Variants in CEP68 observed in about 807,000 individuals in gnomAD.
CEP68 encodes centrosomal protein of 68 kDa.
A neutral mutation model predicts 55.3 loss-of-function variants in CEP68; 26 were observed. That is an observed-to-expected ratio of 0.47 (90% CI 0.34 to 0.65). The LOEUF (loss-of-function observed/expected upper bound fraction) is 0.65, where lower values mean the gene tolerates loss of function less well. Ranked by LOEUF, CEP68 falls within the 30% of genes least tolerant of loss-of-function variation. CEP68 has a pLI of 0.01. For missense variants in CEP68, 957 were observed against 946.7 expected (o/e 1.01, Z -0.14); for synonymous variants, 402 against 383.2 (o/e 1.05, Z -0.57).
rs370088416 is a variant in CEP68 at position 65,072,979 on chromosome 2, A to C, written c.1883A>C (p.Lys628Thr). 2.0e-5 allele frequency: 33 copies of C among 1,614,100 alleles called. No homozygotes were observed. The highest frequency in any genetic ancestry group is 2.6e-5 in the Non-Finnish European group (31 of 1,180,030). ...AAAGAATCACTGGTGCAATGTGTGAAGGTAATGACACTCAACGTTAGGAAG... is the reference window on the plus strand; with the variant it reads ...AAAGAATCACTGGTGCAATGTGTGACGGTAATGACACTCAACGTTAGGAAG... ...QGKESLVQCV[K>T]TFCCQLEELI... Residue 628 changes from lysine to threonine, a missense_variant and splice_region_variant, in exon 3 of 7, where the codon AAG becomes ACG. Transcript: ENST00000377990.
chr2:65,072,867 C>T lies in CEP68; in HGVS notation c.1771C>T (p.Pro591Ser). 6.2e-7 allele frequency: 1 copy of T among 1,614,184 alleles called. No homozygotes were observed. The highest frequency in any genetic ancestry group is 8.5e-7 in the Non-Finnish European group (1 of 1,180,032). Residue 591 changes from proline (P) to serine (S), a missense_variant, in exon 3 of 7, where the codon CCC (proline) becomes TCC (serine). Coordinates refer to ENST00000377990, the MANE Select transcript of CEP68 (RefSeq NM_015147.3). ...GVSSGLLKTR[P>S]SLPARLDRWP... Reference sequence around the variant, plus strand: ...CTCCTCTGGACTGCTGAAAACACGCCCCTCCTTGCCAGCTAGGTTGGACCG... The same window carrying T: ...CTCCTCTGGACTGCTGAAAACACGCTCCTCCTTGCCAGCTAGGTTGGACCG...
At position 65,083,744 on chromosome 2, in the gene CEP68, G is replaced by A. The variant is rs1381249972; in HGVS notation, c.*110G>A. ...AGCCATTCAACACTGAAGTCAAGGG[G>A]GAAACCTTCAATATACTAGCTTTAA... On this transcript the variant is annotated 3_prime_UTR_variant, in exon 7 of 7. Coordinates refer to ENST00000377990, the MANE Select transcript of CEP68 (RefSeq NM_015147.3). The A allele has an allele frequency of 1.3e-5, 2 of 152,154 alleles. No homozygotes were observed. The highest frequency in any genetic ancestry group is 6.5e-5 in the Admixed American group (1 of 15,278). 9.4% of individuals were successfully genotyped at this position (152,154 alleles called of 1,614,324 possible).
intron 4 of CEP68, among the ~76,000 whole-genome samples, chr2:65,076,580 C>T (rs1364398417): frequency 3.3e-5 from 5 of 152,082 alleles, no homozygotes; most frequent in Non-Finnish European, 7.3e-5. Context: ...TATAAGCGAG[C>T]GTGTCTGTGT....
At chr2:65,075,982 C>T (rs936369894) in intron 4 of CEP68, among the ~76,000 whole-genome samples, 2 of 151,764 alleles carry the variant, frequency 1.3e-5, no homozygotes, top group African/African-American at 4.8e-5. Context: ...CTTGCTTGAC[C>T]TGGGCAGGCT....
chr2:65,079,700 G>T (rs555646550), intron 5 of CEP68, among the ~76,000 whole-genome samples: 18 of 152,336 alleles, frequency 1.2e-4, no homozygotes, highest in African/African-American at 3.4e-4. Flanking sequence ...CCTGTGAGAT[G>T]GATAGTTGTG....
chr2:65,059,944 T>C (rs143932991), intron 1 of CEP68, among the ~76,000 whole-genome samples: 2 of 151,836 alleles, frequency 1.3e-5, no homozygotes, highest in African/African-American at 2.4e-5. Context: ...TATTTTCTTA[T>C]GGTATTGGAA....
chr2:65,086,131 A>G lies in CEP68; in HGVS notation c.*2497A>G, dbSNP rs1669022035. On this transcript the variant is annotated 3_prime_UTR_variant, in exon 7 of 7. Transcript: ENST00000377990. ...ATGGAACACAAAGAAGGTTTGAGGT[A>G]AGATATGCTGGAAAGGCAAGATGTA... The G allele has an allele frequency of 2.0e-5, 3 of 152,224 alleles. No homozygotes were observed. Among genetic ancestry groups the G allele is most frequent in the African/African-American group, 7.2e-5 (3 of 41,446 alleles). 9.4% of individuals were successfully genotyped at this position (152,224 alleles called of 1,614,324 possible).
chr2:65,077,288 G>A (rs1286564993), intron 4 of CEP68, among the ~76,000 whole-genome samples: 3 of 152,162 alleles, frequency 2.0e-5, no homozygotes, highest in Non-Finnish European at 2.9e-5. Context: ...GTGAGCCACC[G>A]CGCCTGGCTG....
chr2:65,067,720 G>A (rs1363432452), intron 1 of CEP68, among the ~76,000 whole-genome samples: 1 of 152,150 alleles, frequency 6.6e-6, no homozygotes, highest in Non-Finnish European at 1.5e-5. Flanking sequence ...AGGGCGGAGA[G>A]AGACTTACAT....
In CEP68 at chr2:65,074,314, C is replaced by T. The variant is rs114558502; in HGVS notation, c.1917C>T (p.Cys639=). ...TFCCQLEELI[C]WLYNVADVTD... ...GCTGTCAGCTGGAAGAGCTGATCTGCTGGCTGTATAATGTTGCAGATGTTA... is the reference window on the plus strand; with the variant it reads ...GCTGTCAGCTGGAAGAGCTGATCTGTTGGCTGTATAATGTTGCAGATGTTA... The change falls in exon 4 of 7, where the codon TGC becomes TGT. Residue 639 remains cysteine (C), a synonymous_variant. Coordinates refer to ENST00000377990, the MANE Select transcript of CEP68 (RefSeq NM_015147.3). 117 of 1,614,186 alleles carry T rather than the reference C, an allele frequency of 7.2e-5. No individual in the cohort carries two copies. Among genetic ancestry groups the T allele is most frequent in the Non-Finnish European group, 9.8e-5 (116 of 1,180,012 alleles).
chr2:65,065,736 A>C (rs954736538), intron 1 of CEP68, among the ~76,000 whole-genome samples: 1 of 152,148 alleles, frequency 6.6e-6, no homozygotes, highest in Non-Finnish European at 1.5e-5. Flanking sequence ...TGGGAGGCCA[A>C]CTAGGGCGGA....
At chr2:65,078,113 C>T in intron 5 of CEP68, 149 bp downstream of exon 5, 1 of 569,340 alleles carries the variant, frequency 1.8e-6, no homozygotes, top group Non-Finnish European at 3.1e-6. Context: ...CATCTGCCAG[C>T]TCCACGCGTC....
chr2:65,071,314 G>A (rs1231530275), intron 2 of CEP68, 140 bp from the exon 3 acceptor site: 3 of 680,620 alleles, frequency 4.4e-6, no homozygotes, highest in East Asian at 5.3e-5. Flanking sequence ...CCTGGTTCTT[G>A]CCTCAGGCAG....
chr2:65,083,089 G>C (rs2103806336), intron 6 of CEP68, among the ~76,000 whole-genome samples: 1 of 152,236 alleles, frequency 6.6e-6, no homozygotes, highest in Admixed American at 6.5e-5. Context: ...CTGTTCTGCA[G>C]GATCTTCTCC....
intron 6 of CEP68, among the ~76,000 whole-genome samples, chr2:65,083,020 A>C (rs1282989211): frequency 6.6e-6 from 1 of 151,970 alleles, no homozygotes; most frequent in Non-Finnish European, 1.5e-5. Flanking sequence ...TTATCTGTAC[A>C]CCTACTTTAT....
At chr2:65,062,633 C>T (rs1046168834) in intron 1 of CEP68, among the ~76,000 whole-genome samples, 7 of 151,340 alleles carry the variant, frequency 4.6e-5, no homozygotes, top group African/African-American at 7.3e-5. Context: ...CTCAGGAGTT[C>T]GAGACCAGCC....
chr2:65,071,190 T>C (rs1676442789), intron 2 of CEP68: 3 of 500,252 alleles, frequency 6.0e-6, no homozygotes, highest in Admixed American at 3.6e-5. Flanking sequence ...TTCTGCTTGC[T>C]CACACCCTGG....
At chr2:65,062,265 G>A (rs1573017380) in intron 1 of CEP68, among the ~76,000 whole-genome samples, 1 of 152,350 alleles carries the variant, frequency 6.6e-6, no homozygotes, top group South Asian at 2.1e-4. Context: ...CAGGTGCGGT[G>A]ACTCCCGCCT....
chr2:65,076,256 C>T (rs553142607), intron 4 of CEP68, among the ~76,000 whole-genome samples: 1 of 152,286 alleles, frequency 6.6e-6, no homozygotes, highest in African/African-American at 2.4e-5. Context: ...CCTGGTAGAC[C>T]TAGCTTAGTG....
Sources: allele counts gnomAD v4.1 joint callset (sites outside exome capture counted in the v4.1 genomes callset), GRCh38; gene constraint gnomAD v4.1.1; transcripts MANE v1.5; gene names NCBI Gene and HGNC (gene_info 2026-07-23, HGNC 2026-07-21).